The following ZSCAN25 variants were observed in gnomAD, a reference collection of about 807,000 sequenced individuals.
ZSCAN25 encodes zinc finger and SCAN domain-containing protein 25.
ZSCAN25 carries 27 observed loss-of-function variants against 38.7 expected under a neutral mutation model. That is an observed-to-expected ratio of 0.70 (90% confidence interval 0.51 to 0.96). The LOEUF (loss-of-function observed/expected upper bound fraction) is 0.96, where lower values mean the gene tolerates loss of function less well. Among genes scored for constraint, ZSCAN25 ranks in the 40% least tolerant of loss-of-function variants. The probability of loss-of-function intolerance (pLI) is 0.00; values close to 1 mark genes in which losing one functional copy is unlikely to be tolerated. For missense variants in ZSCAN25, 637 were observed against 705.9 expected (o/e 0.90, Z 1.11); for synonymous variants, 273 against 277.7 (o/e 0.98, Z 0.17).
At chr7:99,720,510 T>C in the ZSCAN25 span, 13 of 1,307,380 alleles carry the variant, frequency 9.9e-6, no homozygotes, top group Middle Eastern at 1.8e-4. Context: ...CATTACATAA[T>C]CCTCTAGATG....
chr7:99,721,567 C>T, the ZSCAN25 span, among the ~76,000 whole-genome samples: 3 of 152,174 alleles, frequency 2.0e-5, no homozygotes, highest in African/African-American at 7.2e-5. Flanking sequence ...GAACGTGATG[C>T]TGGGAGTCCC....
chr7:99,720,481 A>G, the ZSCAN25 span: 1 of 1,570,058 alleles, frequency 6.4e-7, no homozygotes, highest in Middle Eastern at 1.7e-4. Flanking sequence ...AAACCCAGGA[A>G]GCCAGACTTT....
At chr7:99,705,431 G>C in the ZSCAN25 span, 1 of 1,538,238 alleles carries the variant, frequency 6.5e-7, no homozygotes. Flanking sequence ...TATTTGTAAA[G>C]TAATTTGAGG....
chr7:99,732,423 T>C, the ZSCAN25 span, among the ~76,000 whole-genome samples: 1 of 152,196 alleles, frequency 6.6e-6, no homozygotes, highest in African/African-American at 2.4e-5. Context: ...AAAAGACTAA[T>C]ACAGCCAGAC....
the ZSCAN25 span, among the ~76,000 whole-genome samples, chr7:99,669,712 TATA>T: frequency 6.6e-6 from 1 of 152,172 alleles, no homozygotes; most frequent in Non-Finnish European, 1.5e-5. Flanking sequence ...TGATGATGAA[TATA>T]ATGTCACTGA....
At chr7:99,654,994 G>C in the ZSCAN25 span, among the ~76,000 whole-genome samples, 2 of 152,136 alleles carry the variant, frequency 1.3e-5, no homozygotes, top group Admixed American at 1.3e-4. Context: ...TGTCAGATGA[G>C]TAGGTTGCAA....
chr7:99,701,578 A>G, the ZSCAN25 span, among the ~76,000 whole-genome samples: 317 of 152,304 alleles, frequency 2.1e-3, 1 homozygote, highest in Non-Finnish European at 3.7e-3. Context: ...GTGTACGAGA[A>G]TTCCCTTTTC....
At chr7:99,702,021 A>T in the ZSCAN25 span, among the ~76,000 whole-genome samples, 1 of 150,456 alleles carries the variant, frequency 6.6e-6, no homozygotes, top group Admixed American at 6.6e-5. Context: ...TTTTGTTCAG[A>T]CCAATGTCCT....
chr7:99,692,895 G>A, the ZSCAN25 span, among the ~76,000 whole-genome samples: 1 of 152,192 alleles, frequency 6.6e-6, no homozygotes, highest in African/African-American at 2.4e-5. Context: ...GACTACTTCT[G>A]TCAACTCATC....
chr7:99,684,758 G>A, the ZSCAN25 span, among the ~76,000 whole-genome samples: 1 of 152,130 alleles, frequency 6.6e-6, no homozygotes, highest in Non-Finnish European at 1.5e-5. Flanking sequence ...TGATATAAAT[G>A]TCACTGTTAG....
the ZSCAN25 span, chr7:99,730,742 A>T: frequency 9.1e-6 from 3 of 328,122 alleles, no homozygotes; most frequent in Non-Finnish European, 1.7e-5. Context: ...GTATGGCTGT[A>T]CCTTCCTGGG....
At chr7:99,731,239 G>T in the ZSCAN25 span, 4 of 1,484,456 alleles carry the variant, frequency 2.7e-6, no homozygotes, top group Non-Finnish European at 3.7e-6. Context: ...GAACTGGAAT[G>T]ATCAGGCAAA....
At chr7:99,621,703 A>G (rs1455094659) in intron 5 of ZSCAN25, 129 bp downstream of exon 5, 5 of 702,668 alleles carry the variant, frequency 7.1e-6, no homozygotes, top group Non-Finnish European at 1.0e-5. Context: ...TTTCTTGGCT[A>G]CTTCCTCCAC....
the ZSCAN25 span, among the ~76,000 whole-genome samples, chr7:99,718,664 A>G: frequency 1.3e-5 from 2 of 152,212 alleles, no homozygotes; most frequent in African/African-American, 4.8e-5. Flanking sequence ...TTGACATTAT[A>G]CTGGGAAAAA....
the ZSCAN25 span, among the ~76,000 whole-genome samples, chr7:99,727,061 A>G: frequency 1.3e-3 from 197 of 152,310 alleles, no homozygotes; most frequent in Non-Finnish European, 2.3e-3. Context: ...CTGACCCCAT[A>G]AGTCCTAAAT....
At chr7:99,735,180 C>A in the ZSCAN25 span, 144 of 1,534,686 alleles carry the variant, frequency 9.4e-5, 1 homozygote, top group Middle Eastern at 1.0e-3. Flanking sequence ...TGGAGCTTTC[C>A]TGCCCTGCAC....
the ZSCAN25 span, chr7:99,730,786 T>C: frequency 1.2e-5 from 5 of 417,392 alleles, no homozygotes; most frequent in African/African-American, 8.1e-5. Context: ...ATGCTCTTTA[T>C]GGTGCTCACA....
At chr7:99,667,903 A>G in the ZSCAN25 span, among the ~76,000 whole-genome samples, 1 of 152,222 alleles carries the variant, frequency 6.6e-6, no homozygotes, top group Non-Finnish European at 1.5e-5. Context: ...CCCACTCTCA[A>G]CATTCTTACT....
At chr7:99,673,403 T>G in the ZSCAN25 span, among the ~76,000 whole-genome samples, 1 of 152,240 alleles carries the variant, frequency 6.6e-6, no homozygotes, top group Admixed American at 6.5e-5. Flanking sequence ...GAGACCACCT[T>G]ATAAAATCAC....
Sources: allele counts gnomAD v4.1 joint callset (sites outside exome capture counted in the v4.1 genomes callset), GRCh38; gene constraint gnomAD v4.1.1; transcripts MANE v1.5; gene names NCBI Gene and HGNC (gene_info 2026-07-23, HGNC 2026-07-21).